Variants in DLG1 observed in about 807,000 individuals in gnomAD.
The protein encoded by DLG1 is disks large homolog 1.
Under a neutral mutation model 123.4 loss-of-function variants are expected in DLG1, and 42 were observed. The ratio of observed to expected loss-of-function variants is 0.34; its 90% confidence interval spans 0.27 to 0.44. The LOEUF is 0.44. DLG1 is among the 20% of genes least tolerant of loss of function. The pLI is 1.00. For synonymous variants in DLG1, 317 were observed against 356.2 expected, an observed-to-expected ratio of 0.89 and a Z score of 1.24; for missense variants, 942 against 1,082.6, an observed-to-expected ratio of 0.87 and a Z score of 1.82.
chr3:197,239,990 A>C (rs1438216205), intron 4 of DLG1, among the ~76,000 whole-genome samples: 1 of 152,152 alleles, frequency 6.6e-6, no homozygotes, highest in Admixed American at 6.5e-5. Flanking sequence ...TGAGACTGAG[A>C]TATAACTCAT....
chr3:197,195,714 A>G (rs893213849), intron 4 of DLG1, among the ~76,000 whole-genome samples: 1 of 151,968 alleles, frequency 6.6e-6, no homozygotes, highest in Non-Finnish European at 1.5e-5. Context: ...AACAATAAAC[A>G]CTGGGGACTG....
intron 4 of DLG1, among the ~76,000 whole-genome samples, chr3:197,259,324 G>A (rs1051910708): frequency 1.3e-5 from 2 of 152,138 alleles, no homozygotes; most frequent in East Asian, 1.9e-4. Flanking sequence ...GTCTGTATCC[G>A]ATCAGAAACT....
chr3:197,282,891 C>A (rs1560147601), intron 3 of DLG1, 46 bp from the exon 4 acceptor site: 1 of 1,202,478 alleles, frequency 8.3e-7, no homozygotes. Context: ...TATTTTCTAA[C>A]TAAATTATGC....
chr3:197,264,690 G>GGGAT (rs1760949570), intron 4 of DLG1, among the ~76,000 whole-genome samples: 1 of 152,184 alleles, frequency 6.6e-6, no homozygotes, highest in African/African-American at 2.4e-5. Flanking sequence ...GCCTCCCAAA[G>GGGAT]TGCTGGGATT....
chr3:197,157,549 A>G (rs1796916177), intron 5 of DLG1, among the ~76,000 whole-genome samples: 1 of 152,184 alleles, frequency 6.6e-6, no homozygotes, highest in Admixed American at 6.5e-5. Flanking sequence ...TTAAGAAGAC[A>G]TAAATAAATG....
intron 20 of DLG1, 35 bp downstream of exon 20, chr3:197,066,669 T>C (rs374054206): frequency 6.5e-5 from 97 of 1,502,842 alleles, no homozygotes; most frequent in Non-Finnish European, 8.5e-5. Context: ...TATATTCTTC[T>C]AGAAGGTTAT....
At chr3:197,257,460 T>C (rs1008916948) in intron 4 of DLG1, among the ~76,000 whole-genome samples, 1 of 152,102 alleles carries the variant, frequency 6.6e-6, no homozygotes, top group East Asian at 1.9e-4. Context: ...TTTTGGCAAG[T>C]AGGAGATTCA....
At chr3:197,059,775 A>T (rs1333680525) in intron 23 of DLG1, 114 bp downstream of exon 23, 3 of 667,046 alleles carry the variant, frequency 4.5e-6, no homozygotes, top group Non-Finnish European at 7.8e-6. Context: ...GTGAATAAAC[A>T]TACTACTATT....
At chr3:197,087,373 A>G (rs1311991293) in intron 15 of DLG1, among the ~76,000 whole-genome samples, 2 of 150,448 alleles carry the variant, frequency 1.3e-5, no homozygotes, top group African/African-American at 4.9e-5. Context: ...TACATTGACT[A>G]AAAAAAACCC....
chr3:197,137,172 A>G (rs1785453607), intron 9 of DLG1, among the ~76,000 whole-genome samples: 1 of 152,162 alleles, frequency 6.6e-6, no homozygotes, highest in Admixed American at 6.5e-5. Context: ...CATAGCTTCA[A>G]TATCAGATAA....
chr3:197,165,129 C>T (rs893936577), intron 5 of DLG1, among the ~76,000 whole-genome samples: 28 of 152,184 alleles, frequency 1.8e-4, no homozygotes, highest in Admixed American at 1.8e-3. Context: ...CTTTCTCTAT[C>T]GCTGCTTCTT....
chr3:197,230,360 C>G (rs1742296974), intron 4 of DLG1, among the ~76,000 whole-genome samples: 1 of 152,096 alleles, frequency 6.6e-6, no homozygotes, highest in Non-Finnish European at 1.5e-5. Context: ...CAACTGAAAT[C>G]TTATAAAAGG....
intron 3 of DLG1, among the ~76,000 whole-genome samples, chr3:197,293,055 C>T (rs1296164124): frequency 1.3e-5 from 2 of 152,142 alleles, no homozygotes; most frequent in Admixed American, 1.3e-4. Flanking sequence ...TATAATCAAA[C>T]CATATCCCGT....
At chr3:197,134,504 T>C (rs367912315) in intron 10 of DLG1, among the ~76,000 whole-genome samples, 4 of 134,582 alleles carry the variant, frequency 3.0e-5, no homozygotes, top group African/African-American at 1.1e-4. Flanking sequence ...AGACTTAAAA[T>C]AGATTTTTAA....
upstream of DLG1, chr3:197,298,640 A>C (rs767932933): frequency 2.5e-6 from 1 of 393,904 alleles, no homozygotes; most frequent in Non-Finnish European, 4.5e-6. Flanking sequence ...AAGCCGCCTT[A>C]AGGAGGAGCC....
intron 19 of DLG1, chr3:197,068,685 A>G (rs1349465871): frequency 3.6e-6 from 2 of 549,760 alleles, no homozygotes; most frequent in Non-Finnish European, 6.4e-6. Context: ...ACTTAATAAA[A>G]CCAAGAATGT....
At chr3:197,234,828 A>G (rs1561599040) in intron 4 of DLG1, among the ~76,000 whole-genome samples, 2 of 152,168 alleles carry the variant, frequency 1.3e-5, no homozygotes, top group South Asian at 2.1e-4. Flanking sequence ...AAACTCTACA[A>G]TGAACATACA....
chr3:197,258,503 C>A (rs1175408525), intron 4 of DLG1, among the ~76,000 whole-genome samples: 1 of 152,138 alleles, frequency 6.6e-6, no homozygotes, highest in Non-Finnish European at 1.5e-5. Flanking sequence ...TTAAGGGTAT[C>A]CATGGTAGCA....
intron 22 of DLG1, among the ~76,000 whole-genome samples, chr3:197,062,338 C>G (rs143036910): frequency 2.1e-4 from 32 of 152,222 alleles, no homozygotes; most frequent in African/African-American, 7.7e-4. Context: ...AACAGAATAG[C>G]TGTATGGGTA....
Sources: allele counts gnomAD v4.1 joint callset (sites outside exome capture counted in the v4.1 genomes callset), GRCh38; gene constraint gnomAD v4.1.1; transcripts MANE v1.5; gene names NCBI Gene and HGNC (gene_info 2026-07-23, HGNC 2026-07-21).